Variants in CEP162 observed in about 807,000 individuals in gnomAD.
CEP162 encodes the protein centrosomal protein of 162 kDa.
In CEP162, 141 loss-of-function variants were observed where a neutral mutation model predicts 169.2. That is an observed-to-expected ratio of 0.83 (90% CI 0.73 to 0.96). The LOEUF (loss-of-function observed/expected upper bound fraction) is 0.96. Among genes scored for constraint, CEP162 ranks in the 40% least tolerant of loss-of-function variants. The probability of loss-of-function intolerance (pLI) is 0.00; values close to 1 mark genes in which losing one functional copy is unlikely to be tolerated. For synonymous variants in CEP162, 540 were observed against 526.4 expected, an observed-to-expected ratio of 1.03 and a Z score of -0.35; for missense variants, 1,600 against 1,587.2, an observed-to-expected ratio of 1.01 and a Z score of -0.14.
At position 84,131,239 on chromosome 6, in the gene CEP162, T is replaced by C. The variant is rs146626790; in HGVS notation, c.3871-4727A>G. Among the ~76,000 whole-genome samples the C allele has an allele frequency of 6.3e-3, 954 of 152,328 alleles. 4 individuals carry two copies. The highest frequency in any genetic ancestry group is 0.022 in the African/African-American group (918 of 41,572). On this transcript the variant is annotated intron_variant, in intron 25 of 26. Transcript: ENST00000403245. ...GAGAGACTGTTTGTTATGATTTCCATTCTTTTGCATTTGCTGAGGAGTGTT... is the reference window on the plus strand; with the variant it reads ...GAGAGACTGTTTGTTATGATTTCCACTCTTTTGCATTTGCTGAGGAGTGTT...
chr6:84,172,187 C>T (rs1013876729), intron 16 of CEP162, among the ~76,000 whole-genome samples: 5 of 152,080 alleles, frequency 3.3e-5, no homozygotes, highest in Admixed American at 1.3e-4. Flanking sequence ...GATGTACCTA[C>T]GGGTGCTCAT....
rs189109230 is a variant in CEP162, at chr6:84,170,102, G to A, written c.2280-669C>T. Among the ~76,000 whole-genome samples the A allele has an allele frequency of 3.0e-4, 45 of 152,094 alleles. No homozygotes were observed. The East Asian group carries it at 7.4e-3, about 25-fold the overall frequency. ...AAAAAAGCATAAGTAGGCCAGGCAC[G>A]GTGGCTCACGCCTGTAATCCCAGCA... On this transcript the variant is annotated intron_variant, in intron 17 of 26. Transcript: ENST00000403245.
intron 6 of CEP162, among the ~76,000 whole-genome samples, chr6:84,206,398 C>A (rs982426960): frequency 6.6e-6 from 1 of 151,952 alleles, no homozygotes; most frequent in Admixed American, 6.6e-5. Context: ...CAGAACAGAG[C>A]CCTCAGAAAT....
intron 12 of CEP162, among the ~76,000 whole-genome samples, chr6:84,186,126 A>C (rs1168176947): frequency 6.6e-6 from 1 of 152,156 alleles, no homozygotes; most frequent in Admixed American, 6.5e-5. Context: ...TTCTAAAAGC[A>C]AGCTAATGTT....
At chr6:84,203,136 G>C (rs2099545314) in intron 7 of CEP162, among the ~76,000 whole-genome samples, 1 of 152,140 alleles carries the variant, frequency 6.6e-6, no homozygotes, top group African/African-American at 2.4e-5. Context: ...AGTTCTATAA[G>C]GTAGGCAATA....
Position 84,147,482 on chromosome 6 carries a change from G to C in CEP162, c.3772-697C>G, listed in dbSNP as rs193216881. Among the ~76,000 whole-genome samples the C allele has an allele frequency of 2.6e-3, 398 of 152,196 alleles. 2 individuals carry two copies. Among genetic ancestry groups the C allele is most frequent in the Non-Finnish European group, 3.2e-3 (215 of 68,006 alleles). ...TGTATTTCACGGTAACTAGAAGAGAGAGTTTGAAGTGATACCAAGACATAA... is the reference window on the plus strand; with the variant it reads ...TGTATTTCACGGTAACTAGAAGAGACAGTTTGAAGTGATACCAAGACATAA... On this transcript the variant is annotated intron_variant, in intron 24 of 26. Coordinates refer to ENST00000403245, the MANE Select transcript of CEP162 (RefSeq NM_014895.4).
At chr6:84,186,690 C>T in intron 11 of CEP162, 67 bp from the exon 12 acceptor site, 1 of 1,308,050 alleles carries the variant, frequency 7.6e-7, no homozygotes, top group Non-Finnish European at 1.0e-6. Flanking sequence ...CAGTAATAAC[C>T]ACGTGTGTGT....
intron 8 of CEP162, among the ~76,000 whole-genome samples, 184 bp from the exon 9 acceptor site, chr6:84,201,089 T>C (rs1442441004): frequency 2.6e-5 from 4 of 152,128 alleles, no homozygotes; most frequent in South Asian, 2.1e-4. Context: ...CCATCCTGGC[T>C]AACACGGTGA....
intron 11 of CEP162, among the ~76,000 whole-genome samples, chr6:84,192,192 T>C (rs1342204421): frequency 6.6e-6 from 1 of 152,214 alleles, no homozygotes; most frequent in African/African-American, 2.4e-5. Context: ...GCTAGGGTCA[T>C]TTACTCCATA....
chr6:84,158,914 A>C (rs1249358711), intron 21 of CEP162, among the ~76,000 whole-genome samples: 1 of 151,770 alleles, frequency 6.6e-6, no homozygotes, highest in Non-Finnish European at 1.5e-5. Flanking sequence ...TCTGGTATAC[A>C]AAGTAAATTT....
chr6:84,209,081 A>G (rs1057354313), intron 6 of CEP162, among the ~76,000 whole-genome samples: 1 of 152,166 alleles, frequency 6.6e-6, no homozygotes, highest in South Asian at 2.1e-4. Flanking sequence ...AAGTGTTAGA[A>G]ACAGTTCAGG....
chr6:84,142,556 C>T lies in CEP162; in HGVS notation c.3870+4131G>A, dbSNP rs570959043. The stretch of plus-strand genomic sequence containing the variant: ...CCAAAAACTCTCAGAAGTATAGAAA[C>T]TAACCCAAATGGTTTTCAAGTTCAT... On this transcript the variant is annotated intron_variant, in intron 25 of 26. Transcript: ENST00000403245. 1.2e-4 allele frequency among the ~76,000 whole-genome samples: 19 copies of T among 152,222 alleles called. No homozygotes were observed. In the Middle Eastern group the frequency reaches 0.01, roughly 82 times the overall value.
At position 84,215,482 on chromosome 6, in the gene CEP162, A is replaced by T; in HGVS notation, c.320-17T>A. ...CTACTAGTTCTAAATGGAAAGCACA[A>T]ATATATTTTAGTAATATACAGAATT... On this transcript the variant is annotated splice_polypyrimidine_tract_variant and intron_variant, in intron 4 of 26. Transcript: ENST00000403245. The T allele has an allele frequency of 6.6e-7, 1 of 1,525,234 alleles. No individual in the cohort carries two copies. The highest frequency in any genetic ancestry group is 1.3e-5 in the South Asian group (1 of 75,670). The allele number at this position is 1,525,234 out of a possible 1,614,324, so 94.5% of individuals were successfully genotyped here.
intron 7 of CEP162, among the ~76,000 whole-genome samples, chr6:84,202,790 A>G (rs533876725): frequency 2.0e-5 from 3 of 152,184 alleles, no homozygotes; most frequent in South Asian, 4.2e-4. Context: ...GCCATATTCC[A>G]AGTATAAATC....
rs1189889482 is a variant in CEP162 at position 84,227,564 on chromosome 6, A to C, written c.-60+16T>G. 2 of 152,230 alleles carry C rather than the reference A, an allele frequency of 1.3e-5. No individual in the cohort carries two copies. The highest frequency in any genetic ancestry group is 4.8e-5 in the African/African-American group (2 of 41,430). The allele number at this position is 152,230 out of a possible 1,614,324, so 9.4% of individuals were successfully genotyped here. A position where few individuals can be genotyped will look rare whatever the true frequency, so the allele number is the denominator to read the frequency against. On this transcript the variant is annotated intron_variant, in intron 1 of 26. Coordinates refer to ENST00000403245, the MANE Select transcript of CEP162 (RefSeq NM_014895.4). ...CGATTTGGGTGGGAAACCAGCGTTC[A>C]CACCTTACCACCTACCTCTGCCTCT...
intron 17 of CEP162, among the ~76,000 whole-genome samples, chr6:84,171,226 T>C (rs1481860031): frequency 6.6e-6 from 1 of 152,194 alleles, no homozygotes; most frequent in Non-Finnish European, 1.5e-5. Context: ...AAGAAGATCA[T>C]AAGTGATACT....
At position 84,215,401 on chromosome 6, in the gene CEP162, TTG is replaced by T; in HGVS notation, c.382_383del (p.Gln128ArgfsTer11). 1 of 1,610,940 alleles carries T rather than the reference TTG, an allele frequency of 6.2e-7. No individual in the cohort carries two copies. The highest frequency in any genetic ancestry group is 8.5e-7 in the Non-Finnish European group (1 of 1,178,242). ...TGGCAAAAAATTGTTCTTTCTCCTC[TTG>T]TTCTTCTAATGTGTCCAATCCCACT... ...LGVGLDTLEE[Q>X]EEKEQFFARL... On this transcript the variant is annotated frameshift_variant, in exon 5 of 27. Transcript: ENST00000403245. LOFTEE classifies it high-confidence loss of function.
chr6:84,174,654 G>A, intron 15 of CEP162, 73 bp downstream of exon 15: 1 of 703,238 alleles, frequency 1.4e-6, no homozygotes, highest in Non-Finnish European at 2.3e-6. Flanking sequence ...GGATGACAAT[G>A]TATTTAGCAG....
intron 13 of CEP162, among the ~76,000 whole-genome samples, chr6:84,182,503 T>TAG (rs1170224986): frequency 6.6e-6 from 1 of 152,056 alleles, no homozygotes; most frequent in African/African-American, 2.4e-5. Context: ...TATTAATAAA[T>TAG]ATCTAATTCT....
Sources: gnomAD v4.1 joint callset for allele counts (sites outside exome capture counted in the v4.1 genomes callset) on GRCh38, gnomAD v4.1.1 for gene constraint, MANE v1.5 for transcripts, NCBI Gene and HGNC (gene_info 2026-07-23, HGNC 2026-07-21) for gene names.